The following ADAMTSL2 variants were observed in gnomAD, a reference collection of about 807,000 sequenced individuals.
The protein encoded by ADAMTSL2 is ADAMTS-like protein 2.
A neutral mutation model predicts 117.0 loss-of-function variants in ADAMTSL2; 55 were observed. That is an observed-to-expected ratio of 0.47 (90% confidence interval 0.38 to 0.59). ADAMTSL2 has a LOEUF of 0.59. ADAMTSL2 is among the 20% of genes least tolerant of loss of function. The pLI is 0.00. For synonymous variants in ADAMTSL2, 572 were observed against 566.4 expected, an observed-to-expected ratio of 1.01 and a Z score of -0.14; for missense variants, 1,182 against 1,354.5, an observed-to-expected ratio of 0.87 and a Z score of 2.00.
At chr9:133,553,362 C>G (rs939203591) in intron 9 of ADAMTSL2, among the ~76,000 whole-genome samples, 4 of 152,084 alleles carry the variant, frequency 2.6e-5, no homozygotes, top group Non-Finnish European at 5.9e-5. Flanking sequence ...CTCCCGCCTT[C>G]CAGCTGCAGG....
chr9:133,533,182 T>C (rs539528312), upstream of ADAMTSL2, among the ~76,000 whole-genome samples: 564 of 149,246 alleles, frequency 3.8e-3, 5 homozygotes, highest in African/African-American at 0.014. Flanking sequence ...TGTGTGTGTG[T>C]GTGTGTGTGT....
At position 133,574,849 on chromosome 9, in the gene ADAMTSL2, G is replaced by A. The variant is rs1831191318; in HGVS notation, c.2841G>A (p.Arg947=). Residue 947 remains arginine (R), a synonymous_variant, in exon 19 of 19, where the codon AGG becomes AGA. Coordinates refer to ENST00000651351, the MANE Select transcript of ADAMTSL2 (RefSeq NM_014694.4). ...YYSKACCRSC[R]PPHS ...GCAAGGCGTGCTGCCGCTCCTGCAG[G>A]CCCCCCCACTCCTAGGCCCGGCAGC... 1 of 1,612,050 alleles carries A rather than the reference G, an allele frequency of 6.2e-7. No homozygotes were observed. The highest frequency in any genetic ancestry group is 1.3e-5 in the African/African-American group (1 of 74,842).
chr9:133,535,033 T>G, intron 1 of ADAMTSL2, 116 bp downstream of exon 1: 1 of 1,283,520 alleles, frequency 7.8e-7, no homozygotes, highest in South Asian at 2.5e-5. Flanking sequence ...TTACATAACG[T>G]GGGGAGGCTT....
chr9:133,553,845 C>T (rs1588292651), intron 9 of ADAMTSL2, among the ~76,000 whole-genome samples: 4 of 152,188 alleles, frequency 2.6e-5, no homozygotes, highest in Admixed American at 2.0e-4. Flanking sequence ...CCACAGGGAG[C>T]CCTGGAGCGG....
intron 9 of ADAMTSL2, among the ~76,000 whole-genome samples, chr9:133,552,373 A>G (rs1830507130): frequency 6.6e-6 from 1 of 151,990 alleles, no homozygotes; most frequent in South Asian, 2.1e-4. Context: ...CTTTACCAAG[A>G]CCTCTGGCAC....
chr9:133,554,430 GC>G lies in ADAMTSL2; in HGVS notation c.1018del (p.Gln340SerfsTer21). 1.3e-6 allele frequency: 2 copies of G among 1,563,756 alleles called. No homozygotes were observed. The highest frequency in any genetic ancestry group is 1.2e-5 in the South Asian group (1 of 85,306). On this transcript the variant is annotated frameshift_variant, in exon 10 of 19. Coordinates refer to ENST00000651351, the MANE Select transcript of ADAMTSL2 (RefSeq NM_014694.4). LOFTEE classifies it high-confidence loss of function. This position sits in a 1 kb window ranked among gnomAD's most constrained non-coding sequence, Gnocchi z 5.2. ...CTGCTGCAGCCGCCACACGAGAGCCGCCCCCAGCCCATCTACTATGGCTTCT... is the reference window on the plus strand; with the variant it reads ...CTGCTGCAGCCGCCACACGAGAGCCGCCCCAGCCCATCTACTATGGCTTCT... Reference protein sequence around the residue: ...YTLLQPPHESRPQPIYYGFSE... With the variant: ...YTLLQPPHESXPQPIYYGFSE...
At chr9:133,574,036 C>T (rs1231741982) in intron 18 of ADAMTSL2, 49 bp downstream of exon 18, 87 of 1,578,144 alleles carry the variant, frequency 5.5e-5, no homozygotes, top group Non-Finnish European at 7.0e-5. Flanking sequence ...CCAGGGGAGG[C>T]GAGGACAGAG....
intron 7 of ADAMTSL2, among the ~76,000 whole-genome samples, chr9:133,542,998 G>A (rs1489007499): frequency 6.6e-6 from 1 of 151,882 alleles, no homozygotes; most frequent in Admixed American, 6.6e-5. Flanking sequence ...GCCCAGGCTG[G>A]AGTGCAATGA....
chr9:133,551,812 C>CTTTTTT (rs56225051), intron 9 of ADAMTSL2, among the ~76,000 whole-genome samples: 17 of 111,088 alleles, frequency 1.5e-4, no homozygotes, highest in East Asian at 6.3e-4. Context: ...AAAGCAGCAG[C>CTTTTTT]TTTTTTTTTT....
At chr9:133,544,337 A>C (rs1038381898) in intron 7 of ADAMTSL2, 133 bp from the exon 8 acceptor site, 7 of 809,260 alleles carry the variant, frequency 8.6e-6, no homozygotes. Flanking sequence ...GCTGAGCTAC[A>C]CAAGCGGGTG....
rs1830723959 is a variant in ADAMTSL2, at chr9:133,561,355, G to A, written c.1747+60G>A. 2.7e-6 allele frequency: 4 copies of A among 1,479,564 alleles called. No individual in the cohort carries two copies. In the South Asian group the frequency reaches 4.8e-5, roughly 18 times the overall value. The allele number at this position is 1,479,564 out of a possible 1,614,324, so 91.7% of individuals were successfully genotyped here. On this transcript the variant is annotated intron_variant, in intron 12 of 18. Coordinates refer to ENST00000651351, the MANE Select transcript of ADAMTSL2 (RefSeq NM_014694.4). ...CCTGAACCCATTTCCATGGACATGG[G>A]CTGGGGCTGTGGGGCCCACCCACTA...
chr9:133,574,195 G>A (rs1482869937), intron 18 of ADAMTSL2, among the ~76,000 whole-genome samples: 1 of 152,200 alleles, frequency 6.6e-6, no homozygotes, highest in Non-Finnish European at 1.5e-5. Flanking sequence ...GAATGGGGGA[G>A]GCCTGACTGG....
chr9:133,565,839 CCACACACACACACA>C (rs71281253), intron 12 of ADAMTSL2, among the ~76,000 whole-genome samples: 12 of 143,974 alleles, frequency 8.3e-5, no homozygotes, highest in East Asian at 2.1e-4. Flanking sequence ...TCTCCCGTGG[CCACACACACACACA>C]CACACACACA....
intron 11 of ADAMTSL2, among the ~76,000 whole-genome samples, chr9:133,559,431 C>T (rs1302483233): frequency 7.5e-5 from 11 of 146,610 alleles, no homozygotes; most frequent in African/African-American, 2.8e-4. Flanking sequence ...GCAAGCTCTG[C>T]CTCCCAGGTT....
rs746144206 is a variant in ADAMTSL2 at position 133,536,651 on chromosome 9, C to T, written c.-62C>T. 6 of 1,614,102 alleles carry T rather than the reference C, an allele frequency of 3.7e-6. No individual in the cohort carries two copies. The highest frequency in any genetic ancestry group is 1.3e-5 in the African/African-American group (1 of 75,072). On this transcript the variant is annotated 5_prime_UTR_variant, in exon 2 of 19. Coordinates refer to ENST00000651351, the MANE Select transcript of ADAMTSL2 (RefSeq NM_014694.4). ...CCCCGAGGGCTCTTCCCAAAGCGTA[C>T]CCTGGTCATCTGGAAGAGGATCGGA...
chr9:133,544,343 G>A (rs1354853356), intron 7 of ADAMTSL2, 127 bp from the exon 8 acceptor site: 15 of 821,352 alleles, frequency 1.8e-5, no homozygotes, highest in South Asian at 2.7e-5. Flanking sequence ...CTACACAAGC[G>A]GGTGTGGGGG....
chr9:133,534,586 G>A, upstream of ADAMTSL2: 4 of 1,154,492 alleles, frequency 3.5e-6, no homozygotes, highest in South Asian at 3.7e-5. Flanking sequence ...GGCGCAGAGC[G>A]GGTTAAAGTG....
Position 133,554,155 on chromosome 9 carries a change from G to A in ADAMTSL2, c.940-202G>A, listed in dbSNP as rs916503540. 1.6e-4 allele frequency among the ~76,000 whole-genome samples: 24 copies of A among 152,308 alleles called. 1 individual carries two copies. Among genetic ancestry groups the A allele is most frequent in the East Asian group, 9.6e-4 (5 of 5,184 alleles). On this transcript the variant is annotated intron_variant, in intron 9 of 18. Transcript: ENST00000651351. The surrounding 1 kb of genome is among the most constrained non-coding windows in gnomAD (Gnocchi z 5.2). ...CCCCCACCACACATCCCCAGCCCCC[G>A]CCCTGTTCCCAGGCTCTTTGACTTG...
intron 4 of ADAMTSL2, among the ~76,000 whole-genome samples, 187 bp downstream of exon 4, chr9:133,538,611 T>C (rs563003472): frequency 6.6e-6 from 1 of 152,132 alleles, no homozygotes; most frequent in Non-Finnish European, 1.5e-5. Flanking sequence ...CCATCCACTG[T>C]CCAGACCACT....
Sources: gnomAD v4.1 joint callset for allele counts (sites outside exome capture counted in the v4.1 genomes callset) on GRCh38, gnomAD v4.1.1 for gene constraint, Gnocchi (gnomAD v3.1) non-coding constraint, MANE v1.5 for transcripts, NCBI Gene and HGNC (gene_info 2026-07-23, HGNC 2026-07-21) for gene names.